PFKP: variants seen among roughly 807,000 people sequenced by gnomAD.
The protein encoded by PFKP is ATP-dependent 6-phosphofructokinase, platelet type.
Under a neutral mutation model 94.3 loss-of-function variants are expected in PFKP, and 101 were observed. The ratio of observed to expected loss-of-function variants is 1.07; its 90% confidence interval spans 0.91 to 1.26. PFKP has a LOEUF of 1.26. PFKP is among the 50% of genes most tolerant of loss of function. The pLI, the probability that PFKP is intolerant of heterozygous loss-of-function variation, is 0.00. For missense variants in PFKP, 1,145 were observed against 1,103.3 expected, an observed-to-expected ratio of 1.04 and a Z score of -0.53; for synonymous variants, 573 against 432.6, an observed-to-expected ratio of 1.32 and a Z score of -4.03.
At chr10:3,099,511 A>G (rs1249367325) in intron 3 of PFKP, among the ~76,000 whole-genome samples, 159 bp downstream of exon 3, 1 of 151,304 alleles carries the variant, frequency 6.6e-6, no homozygotes, top group Non-Finnish European at 1.5e-5. Context: ...TGATTTTTAG[A>G]AATGCATGTG....
chr10:3,098,691 G>T (rs1023152943), intron 2 of PFKP, among the ~76,000 whole-genome samples: 16 of 94,016 alleles, frequency 1.7e-4, no homozygotes, highest in African/African-American at 5.9e-4. Flanking sequence ...AAAAAAAAAA[G>T]GTAATTGTCC....
intron 19 of PFKP, 47 bp downstream of exon 19, chr10:3,133,361 CTT>C (rs1272813529): frequency 1.8e-5 from 21 of 1,168,400 alleles, no homozygotes; most frequent in Non-Finnish European, 2.6e-5. Context: ...TGTCATGTGA[CTT>C]TTAAAAGATT....
chr10:3,109,693 A>G (rs564576459), intron 10 of PFKP, among the ~76,000 whole-genome samples: 1 of 152,106 alleles, frequency 6.6e-6, no homozygotes, highest in Non-Finnish European at 1.5e-5. Context: ...TTGGTTTTCT[A>G]AGTTACCATC....
At chr10:3,107,342 T>G in intron 8 of PFKP, 33 bp downstream of exon 8, 1 of 1,366,586 alleles carries the variant, frequency 7.3e-7, no homozygotes, top group Non-Finnish European at 1.0e-6. Flanking sequence ...TTTCTCTCGG[T>G]TTCTGCCTGG....
At chr10:3,100,852 G>A (rs1321206202) in intron 3 of PFKP, 6 of 465,620 alleles carry the variant, frequency 1.3e-5, no homozygotes, top group Admixed American at 1.0e-4. Context: ...GGGGCAGCGA[G>A]TATGTGGTGC....
Position 3,101,415 on chromosome 10 carries a change from A to G in PFKP, c.315A>G (p.Glu105=). The change falls in exon 4 of 22, where the codon GAA becomes GAG. Residue 105 remains glutamate (E), a synonymous_variant. Transcript: ENST00000381125. ...SARCQAFRTR[E]GRLKAACNLL... ...GGTGCCAGGCCTTCCGCACGCGGGA[A>G]GGCCGCCTGAAGGCTGCTTGCAACC... is the stretch of plus-strand genomic sequence containing the variant. 6.2e-7 allele frequency: 1 copy of G among 1,605,932 alleles called. No homozygotes were observed. The highest frequency in any genetic ancestry group is 8.5e-7 in the Non-Finnish European group (1 of 1,176,842).
chr10:3,115,920 C>T (rs746297890), intron 13 of PFKP, among the ~76,000 whole-genome samples: 69 of 152,264 alleles, frequency 4.5e-4, no homozygotes, highest in South Asian at 1.0e-3. Context: ...CACCACTGCC[C>T]GCCCTTCTGT....
intron 16 of PFKP, among the ~76,000 whole-genome samples, chr10:3,122,691 A>T (rs1278727011): frequency 6.6e-6 from 1 of 152,142 alleles, no homozygotes; most frequent in Non-Finnish European, 1.5e-5. Flanking sequence ...GTGACTGGTG[A>T]CTCATGGCAT....
chr10:3,104,783 GAGAAGGT>G, intron 5 of PFKP: 1 of 407,042 alleles, frequency 2.5e-6, no homozygotes, highest in Non-Finnish European at 4.4e-6. Context: ...GTGCCCAATA[GAGAAGGT>G]ATCTGGGAAA....
At chr10:3,079,878 G>C (rs995916620) in intron 1 of PFKP, among the ~76,000 whole-genome samples, 1 of 152,118 alleles carries the variant, frequency 6.6e-6, no homozygotes, top group Non-Finnish European at 1.5e-5. Context: ...GGAGAGATGA[G>C]CGAGGACCTT....
At chr10:3,082,750 G>T (rs370608035) in intron 2 of PFKP, among the ~76,000 whole-genome samples, 3 of 152,128 alleles carry the variant, frequency 2.0e-5, no homozygotes, top group Non-Finnish European at 2.9e-5. Context: ...AGACAGTCTT[G>T]CTCTGTTGTC....
intron 16 of PFKP, among the ~76,000 whole-genome samples, chr10:3,127,192 T>C (rs1224300481): frequency 6.6e-6 from 1 of 152,246 alleles, no homozygotes; most frequent in Non-Finnish European, 1.5e-5. Context: ...AGGAAAGCTG[T>C]ATCTAAGCTC....
At chr10:3,084,682 G>A (rs528567098) in intron 2 of PFKP, among the ~76,000 whole-genome samples, 143 of 133,398 alleles carry the variant, frequency 1.1e-3, no homozygotes, top group African/African-American at 3.6e-3. Context: ...CAGTAGACGC[G>A]GTCTCCAGCA....
chr10:3,127,520 A>AG (rs1228090232), intron 16 of PFKP, among the ~76,000 whole-genome samples: 2 of 152,224 alleles, frequency 1.3e-5, no homozygotes, highest in African/African-American at 4.8e-5. Context: ...GGGGGTCCTG[A>AG]GGCCCCACCC....
chr10:3,120,369 C>CTTTGTGTGTGTGTGTGTGTGTGTGTG (rs148428194), intron 16 of PFKP, among the ~76,000 whole-genome samples: 2 of 108,484 alleles, frequency 1.8e-5, no homozygotes, highest in African/African-American at 6.1e-5. Flanking sequence ...TTAAAAATCG[C>CTTTGTGTGTGTGTGTGTGTGTGTGTG]TGTGTGTGTG....
Position 3,119,926 on chromosome 10 carries a change from G to C in PFKP, c.1565G>C (p.Arg522Pro), listed in dbSNP as rs140443512. 6.2e-7 allele frequency: 1 copy of C among 1,614,108 alleles called. No homozygotes were observed. Among genetic ancestry groups the C allele is most frequent in the African/African-American group, 1.3e-5 (1 of 75,036 alleles). Reference protein sequence around the residue: ...YLGLLELSAAREKHEEFCVPM... With the variant: ...YLGLLELSAAPEKHEEFCVPM... ...GGACTCCTGGAGCTGTCAGCCGCCC[G>C]GGAGAAGCACGAGGAGTTCTGTGTC... The change falls in exon 16 of 22, where the codon CGG (arginine) becomes CCG (proline). Residue 522 changes from arginine to proline, a missense_variant. Coordinates refer to ENST00000381125, the MANE Select transcript of PFKP (RefSeq NM_002627.5).
At chr10:3,095,111 C>G (rs1030438012) in intron 2 of PFKP, among the ~76,000 whole-genome samples, 4 of 152,060 alleles carry the variant, frequency 2.6e-5, no homozygotes, top group African/African-American at 9.7e-5. Context: ...GTTGAGAAGA[C>G]ACATGGACCC....
At position 3,107,079 on chromosome 10, in the gene PFKP, C is replaced by T. The variant is rs115270327; in HGVS notation, c.775-135C>T. The T allele has an allele frequency of 1.2e-3, 764 of 612,122 alleles. 9 individuals are homozygous for T. In the African/African-American group the frequency reaches 0.014, roughly 11 times the overall value. 37.9% of individuals were successfully genotyped at this position (612,122 alleles called of 1,614,324 possible). A position where few individuals can be genotyped will look rare whatever the true frequency, so the allele number is the denominator to read the frequency against. ...ACCTTCTGATGTCATTGGGAAGCAGCTCTTAGGAAGTTAGGCAAAGATTCC... is the reference window on the plus strand; with the variant it reads ...ACCTTCTGATGTCATTGGGAAGCAGTTCTTAGGAAGTTAGGCAAAGATTCC... On this transcript the variant is annotated intron_variant, in intron 7 of 21. Coordinates refer to ENST00000381125, the MANE Select transcript of PFKP (RefSeq NM_002627.5).
chr10:3,095,291 G>A (rs142181681), intron 2 of PFKP, among the ~76,000 whole-genome samples: 30 of 90,584 alleles, frequency 3.3e-4, no homozygotes, highest in African/African-American at 7.6e-4. Flanking sequence ...TGATGGATTC[G>A]GCGATTGCCT....
Sources: allele counts gnomAD v4.1 joint callset (sites outside exome capture counted in the v4.1 genomes callset), GRCh38; gene constraint gnomAD v4.1.1; transcripts MANE v1.5; gene names NCBI Gene and HGNC (gene_info 2026-07-23, HGNC 2026-07-21).